AFG2A: variants seen among roughly 807,000 people sequenced by gnomAD.
AFG2A encodes the protein ATPase family gene 2 protein homolog A.
At chr4:123,134,422 A>T in the AFG2A span, among the ~76,000 whole-genome samples, 1 of 151,894 alleles carries the variant, frequency 6.6e-6, no homozygotes. Context: ...AGACATGTGG[A>T]TTTATTTCTG....
chr4:123,280,872 A>G, the AFG2A span, among the ~76,000 whole-genome samples: 1 of 152,108 alleles, frequency 6.6e-6, no homozygotes, highest in Non-Finnish European at 1.5e-5. Context: ...GTGGGGCATT[A>G]TTCTGTCTAC....
At chr4:123,229,087 A>C in the AFG2A span, among the ~76,000 whole-genome samples, 1 of 151,990 alleles carries the variant, frequency 6.6e-6, no homozygotes, top group East Asian at 1.9e-4. Context: ...ATTAAAAAAA[A>C]CCAGCACAAT....
At chr4:123,266,532 A>G in the AFG2A span, among the ~76,000 whole-genome samples, 1 of 151,866 alleles carries the variant, frequency 6.6e-6, no homozygotes. Context: ...TTTCATGTAT[A>G]TGTCTTGTTT....
chr4:123,152,117 G>T, the AFG2A span, among the ~76,000 whole-genome samples: 1 of 151,800 alleles, frequency 6.6e-6, no homozygotes, highest in South Asian at 2.1e-4. Flanking sequence ...TAACACACTG[G>T]GGCCTGTTGG....
the AFG2A span, among the ~76,000 whole-genome samples, chr4:123,101,229 G>T: frequency 5.9e-5 from 9 of 151,914 alleles, no homozygotes; most frequent in African/African-American, 2.2e-4. Flanking sequence ...ATTAGGGGAT[G>T]TTCTGAAGAG....
chr4:122,948,102 G>C, the AFG2A span, among the ~76,000 whole-genome samples: 11 of 152,046 alleles, frequency 7.2e-5, no homozygotes, highest in African/African-American at 2.4e-4. Context: ...TAGTTTTTGG[G>C]GGAGTCAGAA....
chr4:123,031,218 C>G, the AFG2A span, among the ~76,000 whole-genome samples: 3 of 152,086 alleles, frequency 2.0e-5, no homozygotes, highest in African/African-American at 7.2e-5. Flanking sequence ...GTGGCACGAT[C>G]TCAGCTCACC....
chr4:122,996,649 G>A, the AFG2A span, among the ~76,000 whole-genome samples: 1 of 151,572 alleles, frequency 6.6e-6, no homozygotes, highest in African/African-American at 2.4e-5. Flanking sequence ...TAGGGGAATT[G>A]GCTCACACAA....
the AFG2A span, among the ~76,000 whole-genome samples, chr4:122,980,933 A>T: frequency 6.6e-6 from 1 of 151,964 alleles, no homozygotes; most frequent in Non-Finnish European, 1.5e-5. Context: ...TGGTTCACAC[A>T]TATTTTCTCC....
chr4:123,206,756 T>C, the AFG2A span, among the ~76,000 whole-genome samples: 2 of 152,202 alleles, frequency 1.3e-5, no homozygotes, highest in African/African-American at 4.8e-5. Flanking sequence ...AGATACAATT[T>C]ATAAATTCTT....
At chr4:123,082,523 C>CTTTTTTT in the AFG2A span, among the ~76,000 whole-genome samples, 1 of 141,262 alleles carries the variant, frequency 7.1e-6, no homozygotes. Context: ...TCTCTTTTTT[C>CTTTTTTT]TTTTTTTTTT....
chr4:123,114,911 G>T, the AFG2A span, among the ~76,000 whole-genome samples: 1 of 152,238 alleles, frequency 6.6e-6, no homozygotes, highest in African/African-American at 2.4e-5. Context: ...CCTTTGGCCA[G>T]GTGCTTGTGG....
the AFG2A span, among the ~76,000 whole-genome samples, chr4:123,035,566 T>C: frequency 1.3e-5 from 2 of 152,286 alleles, no homozygotes; most frequent in African/African-American, 4.8e-5. Flanking sequence ...TATTGTGCCA[T>C]TGTCAGTTTT....
chr4:123,275,036 TCA>T, the AFG2A span, among the ~76,000 whole-genome samples: 2 of 152,182 alleles, frequency 1.3e-5, no homozygotes, highest in Admixed American at 1.3e-4. Flanking sequence ...TGAATTATGT[TCA>T]CCTTAATTTC....
chr4:123,184,768 C>T, the AFG2A span, among the ~76,000 whole-genome samples: 2 of 151,644 alleles, frequency 1.3e-5, no homozygotes, highest in Non-Finnish European at 2.9e-5. Context: ...GATCTCCTGA[C>T]CTCGTGATCC....
chr4:123,288,180 T>C, the AFG2A span, among the ~76,000 whole-genome samples: 9 of 151,998 alleles, frequency 5.9e-5, no homozygotes, highest in Non-Finnish European at 8.8e-5. Context: ...TTCAATGGGT[T>C]TAAATGAGAA....
chr4:122,979,163 G>A, the AFG2A span: 50 of 1,533,650 alleles, frequency 3.3e-5, no homozygotes, highest in Middle Eastern at 4.0e-4. Context: ...ATGGGCCACC[G>A]GAGCCATCAA....
the AFG2A span, among the ~76,000 whole-genome samples, chr4:122,997,349 G>C: frequency 6.6e-6 from 1 of 152,082 alleles, no homozygotes; most frequent in African/African-American, 2.4e-5. Context: ...TAATCACTTT[G>C]ATTTGCCTGT....
At chr4:123,144,344 G>C in the AFG2A span, among the ~76,000 whole-genome samples, 1 of 152,146 alleles carries the variant, frequency 6.6e-6, no homozygotes, top group East Asian at 1.9e-4. Flanking sequence ...TTAATGTAAG[G>C]ATAAAATGTA....
Sources: gnomAD v4.1 joint callset for allele counts (sites outside exome capture counted in the v4.1 genomes callset) on GRCh38, gnomAD v4.1.1 for gene constraint, MANE v1.5 for transcripts, NCBI Gene and HGNC (gene_info 2026-07-23, HGNC 2026-07-21) for gene names.